The following STEAP1B variants were observed in gnomAD, a reference collection of about 807,000 sequenced individuals.
The protein encoded by STEAP1B is STEAP family protein MGC87042.
Under a neutral mutation model 27.9 loss-of-function variants are expected in STEAP1B, and 13 were observed. The observed-to-expected ratio is 0.47, with a 90% CI of 0.30 to 0.74. The LOEUF (loss-of-function observed/expected upper bound fraction) is 0.74, where lower values mean the gene tolerates loss of function less well. Among genes scored for constraint, STEAP1B ranks in the 30% least tolerant of loss-of-function variants. STEAP1B has a pLI of 0.06. For synonymous variants in STEAP1B, 86 were observed against 107.1 expected, an observed-to-expected ratio of 0.80 and a Z score of 1.22; for missense variants, 250 against 298.7, an observed-to-expected ratio of 0.84 and a Z score of 1.20.
intron 4 of STEAP1B, among the ~76,000 whole-genome samples, chr7:22,445,756 A>G (rs1369187015): frequency 6.6e-6 from 1 of 152,234 alleles, no homozygotes; most frequent in Non-Finnish European, 1.5e-5. Flanking sequence ...AGTCAGAGCT[A>G]TATTCTCACA....
chr7:22,499,341 C>G (rs565274054), intron 1 of STEAP1B, among the ~76,000 whole-genome samples: 2 of 151,544 alleles, frequency 1.3e-5, no homozygotes, highest in East Asian at 3.9e-4. Flanking sequence ...TTCAAGTGCA[C>G]ACTTGTTTTA....
chr7:22,487,574 G>T (rs898364826), intron 4 of STEAP1B, among the ~76,000 whole-genome samples: 1 of 151,610 alleles, frequency 6.6e-6, no homozygotes, highest in Non-Finnish European at 1.5e-5. Context: ...GCGGGGGCGG[G>T]GGGGTGCATC....
At chr7:22,420,968 G>C (rs749817685) in intron 4 of STEAP1B, among the ~76,000 whole-genome samples, 10 of 152,200 alleles carry the variant, frequency 6.6e-5, no homozygotes, top group Non-Finnish European at 1.3e-4. Flanking sequence ...TCTCACATGT[G>C]TACTTGTAAC....
intron 4 of STEAP1B, among the ~76,000 whole-genome samples, chr7:22,469,994 G>A (rs970789255): frequency 6.6e-5 from 10 of 152,192 alleles, no homozygotes; most frequent in African/African-American, 2.4e-4. Context: ...AATAAAAGAG[G>A]TGTGCATAGA....
Sources: allele counts gnomAD v4.1 joint callset (sites outside exome capture counted in the v4.1 genomes callset), GRCh38; gene constraint gnomAD v4.1.1; transcripts MANE v1.5; gene names NCBI Gene and HGNC (gene_info 2026-07-23, HGNC 2026-07-21).